SLC47A1: variants seen among roughly 807,000 people sequenced by gnomAD.
SLC47A1 encodes the protein solute carrier family 47 member 1.
In SLC47A1, 58 loss-of-function variants were observed where a neutral mutation model predicts 65.8. The ratio of observed to expected loss-of-function variants is 0.88; its 90% CI spans 0.71 to 1.10. SLC47A1 has a LOEUF of 1.10. Among genes scored for constraint, SLC47A1 ranks in the 50% least tolerant of loss-of-function variants. The probability of loss-of-function intolerance (pLI) is 0.00; values close to 1 mark genes in which losing one functional copy is unlikely to be tolerated. For missense variants in SLC47A1, 706 were observed against 719.2 expected, an observed-to-expected ratio of 0.98 and a Z score of 0.21; for synonymous variants, 285 against 295.0, an observed-to-expected ratio of 0.97 and a Z score of 0.35.
chr17:19,556,085 G>A, intron 10 of SLC47A1, 23 bp downstream of exon 10: 1 of 1,612,934 alleles, frequency 6.2e-7, no homozygotes, highest in Non-Finnish European at 8.5e-7. Context: ...GCCGATCATG[G>A]GGAGGTGCCA....
Position 19,534,262 on chromosome 17 carries a change from G to T in SLC47A1, c.135+188G>T, listed in dbSNP as rs1323498513. On this transcript the variant is annotated intron_variant, in intron 1 of 16. Coordinates refer to ENST00000270570, the MANE Select transcript of SLC47A1 (RefSeq NM_018242.3). ...TCTGCCTGCGTCCCGGCCGCTTTCC[G>T]CTCCGCACCACCCGACTGGGGGCCC... 4 of 680,056 alleles carry T rather than the reference G, an allele frequency of 5.9e-6. No homozygotes were observed. In the Admixed American group the frequency reaches 1.6e-4, roughly 28 times the overall value. 42.1% of individuals were successfully genotyped at this position (680,056 alleles called of 1,614,324 possible). A position where few individuals can be genotyped will look rare whatever the true frequency, so the allele number is the denominator to read the frequency against.
intron 2 of SLC47A1, 52 bp from the exon 3 acceptor site, chr17:19,546,383 C>A: frequency 7.5e-7 from 1 of 1,340,980 alleles, no homozygotes; most frequent in Admixed American, 1.7e-5. Flanking sequence ...GGGATTTTGT[C>A]TTCCTTTCCT....
intron 14 of SLC47A1, chr17:19,567,960 A>G (rs2084373228): frequency 6.6e-6 from 1 of 152,204 alleles, no homozygotes; most frequent in African/African-American, 2.4e-5. Context: ...AACTTAATCC[A>G]CAGCATCTGA....
chr17:19,572,011 A>C lies in SLC47A1; in HGVS notation c.1404+439A>C, dbSNP rs1332972921. ...GGTGGTAGAAAAATGAGATGAGTCG[A>C]GGTACAGTGGCTTATGCCTGTAGTC... On this transcript the variant is annotated intron_variant, in intron 15 of 16. Coordinates refer to ENST00000270570, the MANE Select transcript of SLC47A1 (RefSeq NM_018242.3). Among the ~76,000 whole-genome samples the C allele has an allele frequency of 2.0e-5, 3 of 152,216 alleles. No individual in the cohort carries two copies. In the East Asian group the frequency reaches 5.8e-4, roughly 29 times the overall value.
In SLC47A1 at chr17:19,566,672, G is replaced by A. The variant is rs572826084; in HGVS notation, c.1107-118G>A. 300 of 853,284 alleles carry A rather than the reference G, an allele frequency of 3.5e-4. 1 individual carries two copies. The highest frequency in any genetic ancestry group is 2.9e-3 in the African/African-American group (171 of 59,552). The allele number at this position is 853,284 out of a possible 1,614,324, so 52.9% of individuals were successfully genotyped here. ...ACTCCTGACCTCAGGTGATCCTCCC[G>A]CCTCAGCCTCCCAAAGTGCTGAGAT... On this transcript the variant is annotated intron_variant, in intron 12 of 16. Coordinates refer to ENST00000270570, the MANE Select transcript of SLC47A1 (RefSeq NM_018242.3).
intron 1 of SLC47A1, among the ~76,000 whole-genome samples, chr17:19,538,108 A>G (rs1370100059): frequency 6.6e-6 from 1 of 152,258 alleles, no homozygotes; most frequent in Non-Finnish European, 1.5e-5. Context: ...TTAAGTCAAA[A>G]TGCCTCTAAA....
chr17:19,558,451 GGTT>G (rs960094773), intron 10 of SLC47A1, among the ~76,000 whole-genome samples: 2 of 150,808 alleles, frequency 1.3e-5, no homozygotes, highest in Non-Finnish European at 3.0e-5. Flanking sequence ...ACTTGTTGGT[GGTT>G]GTTTTTATTT....
intron 5 of SLC47A1, 123 bp from the exon 6 acceptor site, chr17:19,551,292 AGCCTCTGTG>A: frequency 1.2e-6 from 1 of 817,210 alleles, no homozygotes; most frequent in South Asian, 1.4e-5. Flanking sequence ...CTGAGACGAC[AGCCTCTGTG>A]GCTCCGTGCG....
intron 2 of SLC47A1, among the ~76,000 whole-genome samples, chr17:19,543,550 T>A (rs1198136050): frequency 2.0e-5 from 3 of 152,082 alleles, no homozygotes; most frequent in Non-Finnish European, 4.4e-5. Flanking sequence ...CAGTTGTCTG[T>A]CTTACTGAGA....
intron 2 of SLC47A1, among the ~76,000 whole-genome samples, chr17:19,543,667 C>T (rs986273813): frequency 1.3e-5 from 2 of 152,180 alleles, no homozygotes; most frequent in South Asian, 2.1e-4. Flanking sequence ...TGCAAACCCC[C>T]AAAACCAGAG....
chr17:19,566,528 C>A (rs1336381108), intron 12 of SLC47A1, among the ~76,000 whole-genome samples: 1 of 152,060 alleles, frequency 6.6e-6, no homozygotes, highest in East Asian at 1.9e-4. Flanking sequence ...CGGGTTCAAG[C>A]GATTCTCCTG....
intron 1 of SLC47A1, among the ~76,000 whole-genome samples, chr17:19,539,052 G>T (rs1197117284): frequency 6.6e-6 from 1 of 152,058 alleles, no homozygotes; most frequent in South Asian, 2.1e-4. Flanking sequence ...GGAATTGCAG[G>T]TGCATGCCAC....
chr17:19,534,223 G>T, intron 1 of SLC47A1, 149 bp downstream of exon 1: 1 of 1,069,688 alleles, frequency 9.3e-7, no homozygotes, highest in Non-Finnish European at 1.3e-6. Context: ...GAGCCGGGCG[G>T]GCACCCCAGC....
chr17:19,577,663 G>T lies in SLC47A1; in HGVS notation c.*110G>T. ...TTAATGTCATTCAGGTGTGCCCATG[G>T]ATTTTGAGGGCTGGAAATGCAAAGA... is the stretch of plus-strand genomic sequence containing the variant. On this transcript the variant is annotated 3_prime_UTR_variant, in exon 17 of 17. Transcript: ENST00000270570. 6.6e-7 allele frequency: 1 copy of T among 1,512,688 alleles called. No individual in the cohort carries two copies. The highest frequency in any genetic ancestry group is 8.8e-7 in the Non-Finnish European group (1 of 1,138,302). The allele number at this position is 1,512,688 out of a possible 1,614,324, so 93.7% of individuals were successfully genotyped here.
chr17:19,555,598 C>T lies in SLC47A1; in HGVS notation c.647C>T (p.Ser216Phe). Residue 216 changes from serine to phenylalanine, a missense_variant, in exon 8 of 17, where the codon TCT (serine) becomes TTT (phenylalanine). By Grantham distance (155) the Ser-to-Phe change is radical (BLOSUM62 -2). Coordinates refer to ENST00000270570, the MANE Select transcript of SLC47A1 (RefSeq NM_018242.3). ...LHQLHLGVIG[S>F]ALANLISQYT... The stretch of plus-strand genomic sequence containing the variant: ...ATTGGGACTGTTCTTTCCAGAGGCT[C>T]TGCACTGGCAAACTTGATTTCCCAG... 1 of 1,614,152 alleles carries T rather than the reference C, an allele frequency of 6.2e-7. No homozygotes were observed. Among genetic ancestry groups the T allele is most frequent in the Non-Finnish European group, 8.5e-7 (1 of 1,180,010 alleles).
intron 12 of SLC47A1, among the ~76,000 whole-genome samples, chr17:19,562,437 C>T (rs201010903): frequency 8.6e-5 from 13 of 151,928 alleles, no homozygotes; most frequent in Non-Finnish European, 1.6e-4. Flanking sequence ...TGGTGAGGCA[C>T]GCCTGCAATC....
intron 6 of SLC47A1, 86 bp downstream of exon 6, chr17:19,551,554 C>T: frequency 1.7e-6 from 2 of 1,196,824 alleles, no homozygotes; most frequent in Non-Finnish European, 1.2e-6. Flanking sequence ...ACTCCAGGAC[C>T]AGGGACCCCA....
intron 14 of SLC47A1, among the ~76,000 whole-genome samples, chr17:19,568,569 A>G (rs996805671): frequency 2.0e-5 from 3 of 152,360 alleles, no homozygotes; most frequent in East Asian, 1.9e-4. Context: ...GTATACATTT[A>G]TGGGGTACAG....
In SLC47A1 at chr17:19,558,948, T is replaced by A. The variant is rs887025997; in HGVS notation, c.922-1240T>A. 4.6e-5 allele frequency among the ~76,000 whole-genome samples: 7 copies of A among 152,310 alleles called. No individual in the cohort carries two copies. In the South Asian group the frequency reaches 1.4e-3, roughly 32 times the overall value. On this transcript the variant is annotated intron_variant, in intron 10 of 16. Coordinates refer to ENST00000270570, the MANE Select transcript of SLC47A1 (RefSeq NM_018242.3). ...AGATTTTCTTTAAGCTGGTCCATAG[T>A]CATCCTGATCCTAAGGCAATGTTCA...
Sources: gnomAD v4.1 joint callset for allele counts (sites outside exome capture counted in the v4.1 genomes callset) on GRCh38, gnomAD v4.1.1 for gene constraint, MANE v1.5 for transcripts, NCBI Gene and HGNC (gene_info 2026-07-23, HGNC 2026-07-21) for gene names.